The following SH3RF3 variants were observed in gnomAD, a reference collection of about 807,000 sequenced individuals.
SH3RF3 encodes E3 ubiquitin-protein ligase SH3RF3.
SH3RF3 carries 29 observed loss-of-function variants against 66.3 expected under a neutral mutation model. The observed-to-expected ratio is 0.44, with a 90% CI of 0.33 to 0.60. The LOEUF (loss-of-function observed/expected upper bound fraction) is 0.60. Among genes scored for constraint, SH3RF3 ranks in the 20% least tolerant of loss-of-function variants. The pLI is 0.04. For synonymous variants in SH3RF3, 583 were observed against 532.0 expected (o/e 1.10, Z -1.32); for missense variants, 1,194 against 1,190.9 (o/e 1.00, Z -0.04).
At position 109,352,436 on chromosome 2, in the gene SH3RF3, C is replaced by A. The variant is rs527306799; in HGVS notation, c.849+4487C>A. On this transcript the variant is annotated intron_variant, in intron 2 of 9. Transcript: ENST00000309415. ...AGCTGAGCCCCTTGTGTGGAGGCCACGGTCCCCTCACCAGCAGAGCCAGGC... is the reference window on the plus strand; with the variant it reads ...AGCTGAGCCCCTTGTGTGGAGGCCAAGGTCCCCTCACCAGCAGAGCCAGGC... Among the ~76,000 whole-genome samples, 3 of 152,210 alleles carry A rather than the reference C, an allele frequency of 2.0e-5. No individual in the cohort carries two copies. In the East Asian group the frequency reaches 5.8e-4, roughly 29 times the overall value.
At chr2:109,202,747 G>A (rs1443445308) in intron 1 of SH3RF3, among the ~76,000 whole-genome samples, 9 of 152,090 alleles carry the variant, frequency 5.9e-5, no homozygotes, top group African/African-American at 9.7e-5. Flanking sequence ...TGGGGCTGTC[G>A]ACAGCCCTTC....
intron 1 of SH3RF3, among the ~76,000 whole-genome samples, chr2:109,283,102 G>A (rs1211411112): frequency 2.0e-5 from 3 of 152,230 alleles, no homozygotes; most frequent in Non-Finnish European, 4.4e-5. Flanking sequence ...CAGCGGTGAT[G>A]ATGGCAGATG....
chr2:109,411,811 C>T (rs1394893258), intron 4 of SH3RF3, among the ~76,000 whole-genome samples: 1 of 152,232 alleles, frequency 6.6e-6, no homozygotes, highest in Non-Finnish European at 1.5e-5. Context: ...ACACATCTGA[C>T]CTCTCTCTGC....
chr2:109,199,050 C>T, intron 1 of SH3RF3, among the ~76,000 whole-genome samples: 1 of 152,102 alleles, frequency 6.6e-6, no homozygotes. Context: ...TTTTTCTACA[C>T]AGTTCCACTT....
intron 4 of SH3RF3, among the ~76,000 whole-genome samples, chr2:109,412,103 G>C (rs938118947): frequency 6.6e-6 from 1 of 152,224 alleles, no homozygotes; most frequent in Non-Finnish European, 1.5e-5. Flanking sequence ...TTGGACTCAC[G>C]CAGGGCAGTC....
chr2:109,494,353 A>T (rs1017852572), intron 9 of SH3RF3, among the ~76,000 whole-genome samples: 2 of 152,088 alleles, frequency 1.3e-5, no homozygotes, highest in Admixed American at 1.3e-4. Flanking sequence ...TTTCCAAAAA[A>T]CAGCCTGAAA....
At chr2:109,158,436 G>A (rs1158862752) in intron 1 of SH3RF3, among the ~76,000 whole-genome samples, 1 of 152,192 alleles carries the variant, frequency 6.6e-6, no homozygotes, top group Admixed American at 6.5e-5. Context: ...ACCATCCTGG[G>A]GGGCAGGTTC....
intron 9 of SH3RF3, among the ~76,000 whole-genome samples, chr2:109,491,555 G>A (rs1340936503): frequency 6.6e-6 from 1 of 152,152 alleles, no homozygotes; most frequent in Non-Finnish European, 1.5e-5. Flanking sequence ...GTCTGGTTGA[G>A]GCAACATGGC....
At position 109,502,023 on chromosome 2, in the gene SH3RF3, G is replaced by C. The variant is rs1573302394; in HGVS notation, c.*352G>C. 1 of 229,844 alleles carries C rather than the reference G, an allele frequency of 4.4e-6. No individual in the cohort carries two copies. The highest frequency in any genetic ancestry group is 9.1e-5 in the East Asian group (1 of 10,988). 14.2% of individuals were successfully genotyped at this position (229,844 alleles called of 1,614,324 possible). On this transcript the variant is annotated 3_prime_UTR_variant, in exon 10 of 10. Transcript: ENST00000309415. ...CATTTACCACCTAAGCAGGGTTGGAGGTTGCAGGAGGTCTGCAGGCGAGGT... is the reference window on the plus strand; with the variant it reads ...CATTTACCACCTAAGCAGGGTTGGACGTTGCAGGAGGTCTGCAGGCGAGGT...
intron 1 of SH3RF3, among the ~76,000 whole-genome samples, chr2:109,136,957 G>A (rs1676829195): frequency 6.6e-6 from 1 of 152,152 alleles, no homozygotes; most frequent in South Asian, 2.1e-4. Flanking sequence ...GGATGCTGAT[G>A]CTTTTCTCTC....
At position 109,321,534 on chromosome 2, in the gene SH3RF3, T is replaced by C. The variant is rs1202067033; in HGVS notation, c.574-26140T>C. Among the ~76,000 whole-genome samples the C allele has an allele frequency of 2.6e-5, 4 of 152,238 alleles. No homozygotes were observed. In the East Asian group the frequency reaches 5.8e-4, roughly 22 times the overall value. On this transcript the variant is annotated intron_variant, in intron 1 of 9. Coordinates refer to ENST00000309415, the MANE Select transcript of SH3RF3 (RefSeq NM_001099289.3). ...GTTGTGGTTGATGTTTTTATTAAAA[T>C]AGAAATTTAACAAACATTCTCCAAT...
chr2:109,447,832 A>G (rs930971971), intron 7 of SH3RF3, among the ~76,000 whole-genome samples: 3 of 152,208 alleles, frequency 2.0e-5, no homozygotes, highest in African/African-American at 4.8e-5. Context: ...ACAACTTGCA[A>G]TCCCTAACAT....
chr2:109,142,052 G>GT (rs1052320747), intron 1 of SH3RF3, among the ~76,000 whole-genome samples: 1 of 151,486 alleles, frequency 6.6e-6, no homozygotes, highest in Non-Finnish European at 1.5e-5. Flanking sequence ...CTGGGGGGGG[G>GT]GTCTCAGGTA....
At chr2:109,417,259 C>G (rs975966174) in intron 4 of SH3RF3, among the ~76,000 whole-genome samples, 1 of 152,130 alleles carries the variant, frequency 6.6e-6, no homozygotes, top group African/African-American at 2.4e-5. Context: ...TGTCTCTGCC[C>G]TCGTACTTGC....
At chr2:109,142,003 G>GC (rs1010996049) in intron 1 of SH3RF3, among the ~76,000 whole-genome samples, 32 of 151,512 alleles carry the variant, frequency 2.1e-4, no homozygotes, top group African/African-American at 7.5e-4. Context: ...ATCATTTCCA[G>GC]CCCCCTGCCC....
In SH3RF3 at chr2:109,432,402, G is replaced by A. The variant is rs1303078800; in HGVS notation, c.1404-99G>A. The A allele has an allele frequency of 2.7e-6, 4 of 1,486,140 alleles. No individual in the cohort carries two copies. In the East Asian group the frequency reaches 9.8e-5, roughly 36 times the overall value. The allele number at this position is 1,486,140 out of a possible 1,614,324, so 92.1% of individuals were successfully genotyped here. ...CATAGACTCTAGTGGGTCTTTTTAG[G>A]TTGGGTTCCTCCAAAGACAACCTCC... On this transcript the variant is annotated intron_variant, in intron 5 of 9. Coordinates refer to ENST00000309415, the MANE Select transcript of SH3RF3 (RefSeq NM_001099289.3).
chr2:109,153,012 G>A (rs968310178), intron 1 of SH3RF3, among the ~76,000 whole-genome samples: 18 of 152,326 alleles, frequency 1.2e-4, no homozygotes, highest in African/African-American at 4.3e-4. Flanking sequence ...TGTCTTAGAA[G>A]CACGTTTTGA....
intron 1 of SH3RF3, among the ~76,000 whole-genome samples, chr2:109,344,905 A>G (rs1682649935): frequency 6.6e-6 from 1 of 152,154 alleles, no homozygotes; most frequent in African/African-American, 2.4e-5. Context: ...AAGTCCCATG[A>G]TCAGAGGGGA....
intron 1 of SH3RF3, among the ~76,000 whole-genome samples, chr2:109,203,981 T>G (rs535533316): frequency 6.6e-6 from 1 of 152,354 alleles, no homozygotes; most frequent in South Asian, 2.1e-4. Context: ...GTGAAGCATT[T>G]GTGGGCTTGA....
Sources: gnomAD v4.1 joint callset for allele counts (sites outside exome capture counted in the v4.1 genomes callset) on GRCh38, gnomAD v4.1.1 for gene constraint, MANE v1.5 for transcripts, NCBI Gene and HGNC (gene_info 2026-07-23, HGNC 2026-07-21) for gene names.